The following DENND5A variants were observed in gnomAD, a reference collection of about 807,000 sequenced individuals.
The protein encoded by DENND5A is DENN domain containing 5A, also known as DENN domain-containing protein 5A.
A neutral mutation model predicts 140.3 loss-of-function variants in DENND5A; 64 were observed. That is an observed-to-expected ratio of 0.46 (90% CI 0.37 to 0.56). The LOEUF is 0.56. Ranked by LOEUF, DENND5A falls within the 20% of genes least tolerant of loss-of-function variation. DENND5A has a pLI of 0.00. For synonymous variants in DENND5A, 605 were observed against 607.7 expected, an observed-to-expected ratio of 1.00 and a Z score of 0.07; for missense variants, 1,292 against 1,593.8, an observed-to-expected ratio of 0.81 and a Z score of 3.22.
At chr11:9,253,769 G>C (rs1851827335) in intron 1 of DENND5A, among the ~76,000 whole-genome samples, 1 of 151,938 alleles carries the variant, frequency 6.6e-6, no homozygotes. Context: ...TAGAGGCTGA[G>C]GTGGGAGGAT....
chr11:9,183,344 C>T (rs545616587), intron 5 of DENND5A, among the ~76,000 whole-genome samples: 2 of 151,996 alleles, frequency 1.3e-5, no homozygotes, highest in South Asian at 4.2e-4. Context: ...GTGCCAGGCA[C>T]ATAGTACATA....
chr11:9,152,411 T>C lies in DENND5A; in HGVS notation c.2468A>G (p.His823Arg), dbSNP rs141477112. The stretch of plus-strand genomic sequence containing the variant: ...TTTTCTCTGCCGGTTGTCCTGATAA[T>C]GTAACAGGTGGGACCATAAGGCTGA... ...GKSALWSHLL[H>R]YQDNRQRKLT... Residue 823 changes from histidine to arginine, a missense_variant, in exon 13 of 23, where the codon CAT (histidine) becomes CGT (arginine). Physicochemically the swap from His to Arg is conservative, Grantham distance 29 (BLOSUM62 0). Transcript: ENST00000328194. The C allele has an allele frequency of 3.3e-5, 54 of 1,613,718 alleles. No individual in the cohort carries two copies. Among genetic ancestry groups the C allele is most frequent in the Non-Finnish European group, 4.5e-5 (53 of 1,179,738 alleles).
chr11:9,152,193 G>C (rs749842131), intron 13 of DENND5A, among the ~76,000 whole-genome samples, 165 bp downstream of exon 13: 1 of 152,194 alleles, frequency 6.6e-6, no homozygotes, highest in Non-Finnish European at 1.5e-5. Flanking sequence ...CATGGTTTTG[G>C]TATGCTCTGT....
chr11:9,239,966 A>C (rs1372572622), intron 1 of DENND5A, among the ~76,000 whole-genome samples: 1 of 152,234 alleles, frequency 6.6e-6, no homozygotes, highest in Non-Finnish European at 1.5e-5. Context: ...CAATGAATAA[A>C]TCATAGAGAT....
intron 1 of DENND5A, among the ~76,000 whole-genome samples, chr11:9,229,951 C>A (rs553864353): frequency 2.8e-4 from 33 of 119,642 alleles, no homozygotes; most frequent in Non-Finnish European, 4.3e-4. Context: ...GTCACCCAGG[C>A]TAGAGTGCAG....
At chr11:9,154,328 T>C (rs1454810901) in intron 12 of DENND5A, among the ~76,000 whole-genome samples, 7 of 152,218 alleles carry the variant, frequency 4.6e-5, no homozygotes, top group African/African-American at 1.7e-4. Context: ...AGCTTAAGTC[T>C]ATCTAATGTC....
chr11:9,148,506 G>A (rs771581430), intron 15 of DENND5A, among the ~76,000 whole-genome samples: 20 of 152,144 alleles, frequency 1.3e-4, no homozygotes, highest in African/African-American at 4.6e-4. Context: ...AGAAGTGAAA[G>A]GGAAATGAGG....
intron 8 of DENND5A, among the ~76,000 whole-genome samples, chr11:9,174,124 A>G (rs1473804625): frequency 2.7e-4 from 40 of 149,578 alleles, no homozygotes; most frequent in African/African-American, 9.2e-4. Flanking sequence ...AAAAAAAAAA[A>G]AAAAAGAAAA....
chr11:9,232,486 T>C (rs993230921), intron 1 of DENND5A, among the ~76,000 whole-genome samples: 3 of 152,140 alleles, frequency 2.0e-5, no homozygotes, highest in African/African-American at 7.2e-5. Flanking sequence ...GGTGCTCAAC[T>C]TCATTAGTCA....
chr11:9,208,859 T>A (rs906483253), intron 1 of DENND5A, among the ~76,000 whole-genome samples: 1 of 152,246 alleles, frequency 6.6e-6, no homozygotes, highest in African/African-American at 2.4e-5. Context: ...CAGCTGGTAA[T>A]AGCTGCAGCA....
chr11:9,249,847 G>A (rs1443314115), intron 1 of DENND5A, among the ~76,000 whole-genome samples: 1 of 151,964 alleles, frequency 6.6e-6, no homozygotes, highest in Admixed American at 6.6e-5. Flanking sequence ...ACCGTGCCCG[G>A]CCTCATTTTT....
At chr11:9,214,717 C>G (rs1459304788) in intron 1 of DENND5A, among the ~76,000 whole-genome samples, 2 of 151,800 alleles carry the variant, frequency 1.3e-5, no homozygotes, top group Non-Finnish European at 2.9e-5. Context: ...ACCCACAAGA[C>G]TTTTTTGTTT....
intron 1 of DENND5A, among the ~76,000 whole-genome samples, chr11:9,253,549 C>T (rs1239676953): frequency 6.6e-6 from 1 of 151,562 alleles, no homozygotes; most frequent in African/African-American, 2.4e-5. Flanking sequence ...TATCACTGTT[C>T]AAGCTGTTTA....
chr11:9,211,616 C>T (rs1474233353), intron 1 of DENND5A, among the ~76,000 whole-genome samples: 1 of 151,986 alleles, frequency 6.6e-6, no homozygotes, highest in East Asian at 1.9e-4. Context: ...AATTTTAAAG[C>T]AGCTATGATC....
rs1848296321 is a variant in DENND5A, at chr11:9,169,474, AC to A, written c.2151+381del. Among the ~76,000 whole-genome samples the A allele has an allele frequency of 2.8e-5, 4 of 145,306 alleles. No individual in the cohort carries two copies. In the South Asian group the frequency reaches 8.9e-4, roughly 32 times the overall value. ...ACAAAAAAAGAATTAAAAAAAATTA[AC>A]TTTTTTCCTATATACACACGCACAC... On this transcript the variant is annotated intron_variant, in intron 10 of 22. Coordinates refer to ENST00000328194, the MANE Select transcript of DENND5A (RefSeq NM_015213.4).
intron 1 of DENND5A, among the ~76,000 whole-genome samples, chr11:9,229,806 C>T (rs930759321): frequency 1.3e-5 from 2 of 151,936 alleles, no homozygotes; most frequent in Admixed American, 6.6e-5. Context: ...AACATTTCTA[C>T]AGGCCTCTCC....
At chr11:9,187,925 G>A (rs1022454303) in intron 5 of DENND5A, among the ~76,000 whole-genome samples, 1 of 152,162 alleles carries the variant, frequency 6.6e-6, no homozygotes, top group Admixed American at 6.5e-5. Flanking sequence ...GGTGGGCTAG[G>A]AAATGTACAC....
In DENND5A at chr11:9,144,090, C is replaced by T; in HGVS notation, c.3304+7G>A. 1 of 1,611,676 alleles carries T rather than the reference C, an allele frequency of 6.2e-7. No individual in the cohort carries two copies. The highest frequency in any genetic ancestry group is 1.3e-5 in the African/African-American group (1 of 74,966). ...GGCATGAGGGCCCAACCCCTCCTCC[C>T]ACTTACTGGGCTTGTTGTTGGGTGA... is the stretch of plus-strand genomic sequence containing the variant. On this transcript the variant is annotated splice_region_variant and intron_variant, in intron 19 of 22. Transcript: ENST00000328194.
Position 9,180,979 on chromosome 11 carries a change from G to C in DENND5A, c.1243C>G (p.Leu415Val). 1 of 1,614,180 alleles carries C rather than the reference G, an allele frequency of 6.2e-7. No individual in the cohort carries two copies. The highest frequency in any genetic ancestry group is 1.3e-5 in the African/African-American group (1 of 75,056). The change falls in exon 6 of 23, where the codon CTC becomes GTC. Residue 415 changes from leucine (L) to valine (V), a missense_variant. By Grantham distance (32) the Leu-to-Val change is conservative. This residue lies in a region of DENND5A where 566 missense variants were observed against 650.4 expected (regional missense o/e 0.87). Coordinates refer to ENST00000328194, the MANE Select transcript of DENND5A (RefSeq NM_015213.4). Reference protein sequence around the residue: ...LEFVQEVSEILMAFGIPPEGN... With the variant: ...LEFVQEVSEIVMAFGIPPEGN... Reference sequence around the variant, plus strand: ...TCAGGGGGAATTCCAAATGCCATGAGAATCTCAGAGACTTCCTGGACAAAC... The same window carrying C: ...TCAGGGGGAATTCCAAATGCCATGACAATCTCAGAGACTTCCTGGACAAAC...
Sources: allele counts gnomAD v4.1 joint callset (sites outside exome capture counted in the v4.1 genomes callset), GRCh38; gene constraint gnomAD v4.1.1; regional missense constraint gnomAD v4.1.1; transcripts MANE v1.5; gene names NCBI Gene and HGNC (gene_info 2026-07-23, HGNC 2026-07-21).